GCA: variants seen among roughly 807,000 people sequenced by gnomAD.
GCA encodes grancalcin.
Under a neutral mutation model 32.6 loss-of-function variants are expected in GCA, and 30 were observed. That is an observed-to-expected ratio of 0.92 (90% CI 0.69 to 1.25). The LOEUF (loss-of-function observed/expected upper bound fraction) is 1.25, where lower values mean the gene tolerates loss of function less well. Ranked by LOEUF, GCA falls within the 50% of genes most tolerant of loss-of-function variation. The probability of loss-of-function intolerance (pLI) is 0.00; values close to 1 mark genes in which losing one functional copy is unlikely to be tolerated. For synonymous variants in GCA, 102 were observed against 84.6 expected, an observed-to-expected ratio of 1.21 and a Z score of -1.13; for missense variants, 291 against 266.8, an observed-to-expected ratio of 1.09 and a Z score of -0.63.
rs1487199367 is a variant in GCA at position 162,344,212 on chromosome 2, C to G, written c.-37C>G. 5 of 1,613,290 alleles carry G rather than the reference C, an allele frequency of 3.1e-6. No homozygotes were observed. Among genetic ancestry groups the G allele is most frequent in the Admixed American group, 1.7e-5 (1 of 59,990 alleles). On this transcript the variant is annotated 5_prime_UTR_variant, in exon 1 of 8. Transcript: ENST00000437150. ...TTTTCTCCCAGCACTGCGGACGCGA[C>G]TCGAGGGTGACGCTCGCTCCGCTCG...
intron 1 of GCA, among the ~76,000 whole-genome samples, chr2:162,336,526 C>G (rs1228662643): frequency 6.6e-6 from 1 of 152,128 alleles, no homozygotes. Flanking sequence ...TAACATCCTC[C>G]TTTCTCCTCC....
intron 5 of GCA, 32 bp from the exon 6 acceptor site, chr2:162,359,012 C>T: frequency 2.0e-6 from 2 of 1,023,078 alleles, no homozygotes; most frequent in Non-Finnish European, 3.0e-6. Flanking sequence ...ATGTTATTTA[C>T]ATTTAGAAGT....
upstream of GCA, among the ~76,000 whole-genome samples, chr2:162,341,482 T>C (rs1027388702): frequency 6.6e-6 from 1 of 151,826 alleles, no homozygotes; most frequent in Non-Finnish European, 1.5e-5. Flanking sequence ...TAATTGAATA[T>C]CTAAACTTAT....
intron 1 of GCA, among the ~76,000 whole-genome samples, chr2:162,321,860 T>C (rs1683676071): frequency 7.5e-6 from 1 of 133,794 alleles, no homozygotes; most frequent in Admixed American, 7.9e-5. Flanking sequence ...GAATGCACAA[T>C]TTATAAAGGA....
At chr2:162,364,211 T>C (rs370665699), downstream of GCA, among the ~76,000 whole-genome samples, 1 of 151,548 alleles carries the variant, frequency 6.6e-6, no homozygotes, top group South Asian at 2.1e-4. Flanking sequence ...TTGACTGTAT[T>C]ATTGAATCAA....
At chr2:162,324,384 C>A (rs551961246) in intron 1 of GCA, among the ~76,000 whole-genome samples, 7 of 152,280 alleles carry the variant, frequency 4.6e-5, no homozygotes, top group African/African-American at 1.7e-4. Flanking sequence ...TGGAATCAGG[C>A]CACTCAGCGG....
Position 162,362,533 on chromosome 2 carries a change from G to C in GCA, c.*2290G>C. The C allele has an allele frequency of 1.0e-6, 1 of 958,250 alleles. No individual in the cohort carries two copies. The highest frequency in any genetic ancestry group is 1.2e-6 in the Non-Finnish European group (1 of 805,372). 59.4% of individuals were successfully genotyped at this position (958,250 alleles called of 1,614,324 possible). ...TTCTTTTACGATGATGTAAATTATT[G>C]AATAATGTACACTCTTAATGTATAA... On this transcript the variant is annotated 3_prime_UTR_variant, in exon 8 of 8. Transcript: ENST00000437150.
chr2:162,319,733 G>A (rs779614308), intron 1 of GCA, among the ~76,000 whole-genome samples: 7 of 152,164 alleles, frequency 4.6e-5, no homozygotes, highest in Non-Finnish European at 7.3e-5. Context: ...AGGCACATAC[G>A]CACCATAACT....
In GCA at chr2:162,361,690, G is replaced by T; in HGVS notation, c.*1447G>T. The T allele has an allele frequency of 3.1e-6, 3 of 982,666 alleles. No homozygotes were observed. The highest frequency in any genetic ancestry group is 1.7e-5 in the African/African-American group (1 of 57,230). 60.9% of individuals were successfully genotyped at this position (982,666 alleles called of 1,614,324 possible). On this transcript the variant is annotated 3_prime_UTR_variant, in exon 8 of 8. Transcript: ENST00000437150. ...TTCACTTGGTCAGTTTTATAAAAATGTGTGAATAGGTAATACACATAATTT... is the reference window on the plus strand; with the variant it reads ...TTCACTTGGTCAGTTTTATAAAAATTTGTGAATAGGTAATACACATAATTT...
At chr2:162,329,906 T>G (rs1314046742) in intron 1 of GCA, among the ~76,000 whole-genome samples, 1 of 152,186 alleles carries the variant, frequency 6.6e-6, no homozygotes, top group East Asian at 1.9e-4. Context: ...CTCCGACTTA[T>G]AAGTGAGAAC....
chr2:162,370,653 C>T (rs1446164788), intron 4 of GCA, among the ~76,000 whole-genome samples: 1 of 151,970 alleles, frequency 6.6e-6, no homozygotes, highest in Non-Finnish European at 1.5e-5. Flanking sequence ...CTTTCTAGGC[C>T]CATTGCTTTC....
downstream of GCA, among the ~76,000 whole-genome samples, chr2:162,373,148 A>C (rs1455696217): frequency 6.6e-6 from 1 of 152,148 alleles, no homozygotes; most frequent in East Asian, 1.9e-4. Flanking sequence ...CAGGAAGACT[A>C]TTCCTTAGAT....
chr2:162,332,240 C>T (rs1362321870), intron 1 of GCA, among the ~76,000 whole-genome samples: 3 of 147,880 alleles, frequency 2.0e-5, no homozygotes, highest in African/African-American at 5.0e-5. Flanking sequence ...ACCCAGGAGG[C>T]GGAGCTTGCA....
rs1163111185 is a variant in GCA at position 162,361,537 on chromosome 2, G to A, written c.*1294G>A. On this transcript the variant is annotated 3_prime_UTR_variant, in exon 8 of 8. Coordinates refer to ENST00000437150, the MANE Select transcript of GCA (RefSeq NM_012198.5). ...TTTCTTAATGGATGGAGGATAGATG[G>A]CAATATCTTGAACAAAATCTTTTAT... The A allele has an allele frequency of 2.0e-6, 2 of 980,070 alleles. No individual in the cohort carries two copies. The highest frequency in any genetic ancestry group is 1.1e-4 in the East Asian group (1 of 8,768). The allele number at this position is 980,070 out of a possible 1,614,324, so 60.7% of individuals were successfully genotyped here. A position where few individuals can be genotyped will look rare whatever the true frequency, so the allele number is the denominator to read the frequency against.
At chr2:162,373,441 A>T, downstream of GCA, 2 of 1,429,884 alleles carry the variant, frequency 1.4e-6, no homozygotes, top group South Asian at 1.6e-5. Context: ...TGTGAGAGAC[A>T]CTCTTGGTTG....
intron 1 of GCA, among the ~76,000 whole-genome samples, chr2:162,321,883 CATATATATATATATATATATAT>C (rs10529213): frequency 0.017 from 1,171 of 70,224 alleles, 48 homozygotes; most frequent in African/African-American, 0.051. Flanking sequence ...AATTTAGTTA[CATATATATATATATATATATAT>C]ATATATATAT....
intron 1 of GCA, among the ~76,000 whole-genome samples, chr2:162,325,586 C>T (rs1343696271): frequency 2.0e-5 from 3 of 152,162 alleles, no homozygotes; most frequent in Non-Finnish European, 4.4e-5. Flanking sequence ...AAAGTGTTTC[C>T]TCTTCCAGTT....
intron 2 of GCA, among the ~76,000 whole-genome samples, chr2:162,351,227 A>G (rs1397473904): frequency 6.6e-6 from 1 of 152,212 alleles, no homozygotes; most frequent in African/African-American, 2.4e-5. Context: ...CACTGCTTCT[A>G]CTTTTCCACA....
At chr2:162,365,009 G>T (rs1281895979), downstream of GCA, among the ~76,000 whole-genome samples, 2 of 151,416 alleles carry the variant, frequency 1.3e-5, no homozygotes, top group East Asian at 3.9e-4. Flanking sequence ...TGTCCTGATG[G>T]AACTCAGTAA....
Sources: allele counts gnomAD v4.1 joint callset (sites outside exome capture counted in the v4.1 genomes callset), GRCh38; gene constraint gnomAD v4.1.1; transcripts MANE v1.5; gene names NCBI Gene and HGNC (gene_info 2026-07-23, HGNC 2026-07-21).